CNTN4: variants seen among roughly 807,000 people sequenced by gnomAD.
CNTN4 encodes contactin-4.
CNTN4 carries 77 observed loss-of-function variants against 122.5 expected under a neutral mutation model. The observed-to-expected ratio is 0.63, with a 90% confidence interval of 0.52 to 0.76. The LOEUF is 0.76. CNTN4 is among the 30% of genes least tolerant of loss of function. The pLI is 0.00. For synonymous variants in CNTN4, 512 were observed against 447.0 expected (o/e 1.15, Z -1.83); for missense variants, 1,256 against 1,259.1 (o/e 1.00, Z 0.04).
At chr3:2,148,107 G>T (rs2035331299) in intron 2 of CNTN4, among the ~76,000 whole-genome samples, 1 of 152,120 alleles carries the variant, frequency 6.6e-6, no homozygotes, top group Non-Finnish European at 1.5e-5. Context: ...ATGGTTGATT[G>T]GTTGTGGGAC....
At chr3:2,244,440 G>A (rs1484896831) in intron 2 of CNTN4, among the ~76,000 whole-genome samples, 7 of 152,052 alleles carry the variant, frequency 4.6e-5, no homozygotes, top group Non-Finnish European at 8.8e-5. Context: ...ATGGAAATGT[G>A]TGCCCAAAGT....
At chr3:2,288,203 C>G (rs80265991) in intron 2 of CNTN4, among the ~76,000 whole-genome samples, 3 of 152,106 alleles carry the variant, frequency 2.0e-5, no homozygotes, top group African/African-American at 7.2e-5. Context: ...AGGTAATTTA[C>G]AAGAAAAGAA....
At chr3:2,618,961 A>T (rs1446417778) in intron 4 of CNTN4, among the ~76,000 whole-genome samples, 3 of 152,198 alleles carry the variant, frequency 2.0e-5, no homozygotes, top group Admixed American at 2.0e-4. Flanking sequence ...GAAATTATTT[A>T]GGCTCACCAA....
chr3:2,269,584 T>G (rs975080297), intron 2 of CNTN4, among the ~76,000 whole-genome samples: 6 of 152,132 alleles, frequency 3.9e-5, no homozygotes, highest in African/African-American at 1.4e-4. Context: ...CAAGTTGCTT[T>G]AAGAAATCAC....
intron 12 of CNTN4, among the ~76,000 whole-genome samples, chr3:2,924,351 C>G (rs2094454234): frequency 1.3e-5 from 2 of 151,818 alleles, no homozygotes; most frequent in Admixed American, 1.3e-4. Flanking sequence ...ACCTCAAGTT[C>G]TCCTTTAAGT....
intron 2 of CNTN4, among the ~76,000 whole-genome samples, chr3:2,242,833 A>G (rs940798024): frequency 2.0e-5 from 3 of 152,160 alleles, no homozygotes; most frequent in African/African-American, 7.2e-5. Context: ...GGGATCCAGT[A>G]TCTTGAGAGT....
At chr3:2,751,442 G>T (rs2090086052) in intron 6 of CNTN4, among the ~76,000 whole-genome samples, 1 of 152,212 alleles carries the variant, frequency 6.6e-6, no homozygotes, top group Non-Finnish European at 1.5e-5. Context: ...GTGTTTCAAA[G>T]GAAAGCTCCT....
chr3:2,124,942 G>A (rs115986469), intron 2 of CNTN4, among the ~76,000 whole-genome samples: 2,412 of 152,110 alleles, frequency 0.016, 78 homozygotes, highest in African/African-American at 0.055. Context: ...TCCTGCCCCC[G>A]CTCCATGTTT....
intron 4 of CNTN4, among the ~76,000 whole-genome samples, chr3:2,612,869 C>T (rs994735927): frequency 2.6e-5 from 4 of 152,126 alleles, no homozygotes; most frequent in African/African-American, 9.7e-5. Context: ...AGCAATTTCT[C>T]ACACTGTTTC....
chr3:2,721,804 A>C (rs2087872742), intron 4 of CNTN4, among the ~76,000 whole-genome samples: 1 of 152,164 alleles, frequency 6.6e-6, no homozygotes. Flanking sequence ...ATGGTCTGAA[A>C]GTTTTGTCCC....
rs114644458 is a variant in CNTN4, at chr3:2,688,341, C to T, written c.56-47874C>T. Among the ~76,000 whole-genome samples, 1,224 of 152,230 alleles carry T rather than the reference C, an allele frequency of 8.0e-3. 14 individuals carry two copies. The highest frequency in any genetic ancestry group is 0.028 in the African/African-American group (1,171 of 41,554). On this transcript the variant is annotated intron_variant, in intron 4 of 24. Coordinates refer to ENST00000418658, the MANE Select transcript of CNTN4 (RefSeq NM_175607.3). ...AAGGTCCTCAGGCACCACCCTCCAC[C>T]CAAGAACCAAAGGAATCATTTGATG...
At chr3:2,140,087 G>A (rs962202458) in intron 2 of CNTN4, among the ~76,000 whole-genome samples, 1 of 152,094 alleles carries the variant, frequency 6.6e-6, no homozygotes, top group Non-Finnish European at 1.5e-5. Flanking sequence ...CTTGCCTGCC[G>A]CCATGTAAGA....
intron 3 of CNTN4, among the ~76,000 whole-genome samples, chr3:2,424,089 G>C (rs560026843): frequency 1.3e-5 from 2 of 149,342 alleles, no homozygotes; most frequent in Non-Finnish European, 3.0e-5. Flanking sequence ...ATTATACTTT[G>C]AGTTCTAGGG....
chr3:2,152,803 C>T (rs2035552787), intron 2 of CNTN4, among the ~76,000 whole-genome samples: 1 of 152,110 alleles, frequency 6.6e-6, no homozygotes. Flanking sequence ...GAGACAAAAG[C>T]AGGGTACGGA....
At chr3:2,591,303 T>A (rs2080460329) in intron 4 of CNTN4, among the ~76,000 whole-genome samples, 1 of 151,734 alleles carries the variant, frequency 6.6e-6, no homozygotes, top group African/African-American at 2.4e-5. Context: ...GTCAAGTGCT[T>A]AGATACTTTT....
intron 12 of CNTN4, among the ~76,000 whole-genome samples, chr3:2,914,237 C>G (rs1456436597): frequency 1.3e-5 from 2 of 151,838 alleles, no homozygotes; most frequent in Non-Finnish European, 2.9e-5. Flanking sequence ...TAACTTCGCA[C>G]CACAGGCAAC....
intron 2 of CNTN4, among the ~76,000 whole-genome samples, chr3:2,114,765 A>T (rs2033224063): frequency 6.6e-6 from 1 of 152,224 alleles, no homozygotes; most frequent in Non-Finnish European, 1.5e-5. Flanking sequence ...TTTATGCTGT[A>T]GAAAGCCACT....
intron 6 of CNTN4, among the ~76,000 whole-genome samples, chr3:2,791,928 G>A (rs1036373764): frequency 3.9e-5 from 6 of 152,006 alleles, no homozygotes; most frequent in South Asian, 2.1e-4. Context: ...CCTTGTCATC[G>A]GATTTAGGGC....
chr3:2,619,711 T>A (rs572844192), intron 4 of CNTN4, among the ~76,000 whole-genome samples: 2 of 152,230 alleles, frequency 1.3e-5, no homozygotes, highest in Non-Finnish European at 2.9e-5. Context: ...TTCATTTGCC[T>A]GACGAAGAAC....
Sources: allele counts gnomAD v4.1 joint callset (sites outside exome capture counted in the v4.1 genomes callset), GRCh38; gene constraint gnomAD v4.1.1; transcripts MANE v1.5; gene names NCBI Gene and HGNC (gene_info 2026-07-23, HGNC 2026-07-21).